The following TBC1D32 variants were observed in gnomAD, a reference collection of about 807,000 sequenced individuals.
The protein encoded by TBC1D32 is protein broad-minded.
Under a neutral mutation model 170.3 loss-of-function variants are expected in TBC1D32, and 151 were observed. The observed-to-expected ratio is 0.89, with a 90% CI of 0.78 to 1.01. The LOEUF (loss-of-function observed/expected upper bound fraction) is 1.01. Ranked by LOEUF, TBC1D32 falls within the 50% of genes least tolerant of loss-of-function variation. TBC1D32 has a pLI of 0.00. For synonymous variants in TBC1D32, 498 were observed against 488.0 expected, an observed-to-expected ratio of 1.02 and a Z score of -0.27; for missense variants, 1,464 against 1,457.1, an observed-to-expected ratio of 1.00 and a Z score of -0.08.
intron 17 of TBC1D32, among the ~76,000 whole-genome samples, chr6:121,251,025 AC>A (rs150009485): frequency 0.012 from 1,807 of 152,256 alleles, 47 homozygotes; most frequent in African/African-American, 0.042. Context: ...CTTACAAAGG[AC>A]ATGAAGGACC....
At chr6:121,132,857 GTGT>G (rs955636330) in intron 24 of TBC1D32, among the ~76,000 whole-genome samples, 1 of 151,266 alleles carries the variant, frequency 6.6e-6, no homozygotes, top group Non-Finnish European at 1.5e-5. Flanking sequence ...GAATAGTTAA[GTGT>G]TGTTAAAAAA....
intron 3 of TBC1D32, among the ~76,000 whole-genome samples, chr6:121,313,168 G>GTGTA (rs1358747612): frequency 1.7e-5 from 2 of 118,018 alleles, no homozygotes; most frequent in Admixed American, 8.7e-5. Context: ...GTGTGTGTGT[G>GTGTA]TAGAGACCTT....
Position 121,235,698 on chromosome 6 carries a change from A to C in TBC1D32, c.2364+3372T>G, listed in dbSNP as rs1442851465. The stretch of plus-strand genomic sequence containing the variant: ...AAGCCTCTTTGTTGAGAAAGCAAGC[A>C]GACTCAGTTTTTCCACATCTCAGTG... On this transcript the variant is annotated intron_variant, in intron 20 of 31. Transcript: ENST00000398212. Among the ~76,000 whole-genome samples the C allele has an allele frequency of 2.6e-5, 4 of 152,330 alleles. No individual in the cohort carries two copies. In the South Asian group the frequency reaches 8.3e-4, roughly 32 times the overall value.
At chr6:121,282,797 A>G (rs1292389131) in intron 13 of TBC1D32, among the ~76,000 whole-genome samples, 1 of 151,862 alleles carries the variant, frequency 6.6e-6, no homozygotes, top group African/African-American at 2.4e-5. Flanking sequence ...AGAACAAAGA[A>G]AGATGATTTT....
chr6:121,197,168 T>C (rs925294749), intron 22 of TBC1D32, among the ~76,000 whole-genome samples: 1 of 152,112 alleles, frequency 6.6e-6, no homozygotes, highest in African/African-American at 2.4e-5. Flanking sequence ...TACTCCATAA[T>C]GAATGTAAGG....
At chr6:121,116,983 A>G (rs1348230197) in intron 26 of TBC1D32, among the ~76,000 whole-genome samples, 1 of 152,212 alleles carries the variant, frequency 6.6e-6, no homozygotes, top group Non-Finnish European at 1.5e-5. Context: ...GGACTTTTTA[A>G]AACTAAAGAT....
chr6:121,259,668 T>C (rs6930191), intron 15 of TBC1D32, among the ~76,000 whole-genome samples: 129,509 of 152,144 alleles, frequency 0.85, 55,887 homozygotes, highest in Middle Eastern at 0.95. Context: ...TAACAAGCAG[T>C]AATTCAGGAC....
intron 24 of TBC1D32, among the ~76,000 whole-genome samples, chr6:121,142,803 G>A (rs574261844): frequency 7.7e-4 from 117 of 152,136 alleles, no homozygotes; most frequent in African/African-American, 2.4e-3. Flanking sequence ...AATAACTCCC[G>A]GGAAATCTAA....
At chr6:121,288,546 G>A (rs898496855) in intron 12 of TBC1D32, among the ~76,000 whole-genome samples, 2 of 152,126 alleles carry the variant, frequency 1.3e-5, no homozygotes, top group African/African-American at 4.8e-5. Flanking sequence ...AGGACCAGAT[G>A]GATTCACAGC....
chr6:121,197,544 T>C (rs989553588), intron 22 of TBC1D32, among the ~76,000 whole-genome samples: 6 of 152,218 alleles, frequency 3.9e-5, no homozygotes, highest in African/African-American at 1.4e-4. Context: ...TTTTATTTCC[T>C]TTTCCTTTAT....
At chr6:121,321,610 G>A (rs762456966) in intron 2 of TBC1D32, 23 bp downstream of exon 2, 1 of 1,600,236 alleles carries the variant, frequency 6.2e-7, no homozygotes, top group South Asian at 1.1e-5. Context: ...GTTATTTGAA[G>A]ATATTATTAT....
chr6:121,122,142 C>T (rs1323039593), intron 26 of TBC1D32, among the ~76,000 whole-genome samples: 1 of 151,954 alleles, frequency 6.6e-6, no homozygotes, highest in Non-Finnish European at 1.5e-5. Context: ...TTCTCTCATA[C>T]CCCACATTCA....
intron 20 of TBC1D32, among the ~76,000 whole-genome samples, chr6:121,233,000 A>G (rs961006861): frequency 6.6e-6 from 1 of 152,038 alleles, no homozygotes; most frequent in Non-Finnish European, 1.5e-5. Context: ...TTTAATTTCC[A>G]TGTATTTGCA....
chr6:121,208,596 TA>T (rs1792605587), intron 21 of TBC1D32, among the ~76,000 whole-genome samples: 1 of 151,800 alleles, frequency 6.6e-6, no homozygotes, highest in African/African-American at 2.4e-5. Flanking sequence ...ATTACCAAAG[TA>T]GACCTTTAAT....
At chr6:121,223,662 T>C (rs1794763511) in intron 20 of TBC1D32, among the ~76,000 whole-genome samples, 2 of 152,256 alleles carry the variant, frequency 1.3e-5, no homozygotes, top group South Asian at 4.1e-4. Flanking sequence ...ATCTTTCTCA[T>C]TCTTTGCACT....
chr6:121,176,272 A>T (rs1167782820), intron 22 of TBC1D32, among the ~76,000 whole-genome samples: 2 of 152,150 alleles, frequency 1.3e-5, no homozygotes, highest in African/African-American at 4.8e-5. Context: ...AGTAGTGAGG[A>T]AGCAAGCCAT....
In TBC1D32 at chr6:121,334,344, AC is replaced by A. The variant is rs767396773; in HGVS notation, c.86del (p.Gly29ValfsTer28). ...CTTCGGCACACTCCAGGGAAGGGGC[AC>A]CCGTGATTTTCTCCTTCACGCTCTG... Reference protein sequence around the residue: ...LFQSVKEKITGAPSLECAEEI... With the variant: ...LFQSVKEKITXAPSLECAEEI... On this transcript the variant is annotated frameshift_variant, in exon 1 of 32. Transcript: ENST00000398212. LOFTEE classifies it high-confidence loss of function. 1 of 1,614,044 alleles carries A rather than the reference AC, an allele frequency of 6.2e-7. No homozygotes were observed. The highest frequency in any genetic ancestry group is 8.5e-7 in the Non-Finnish European group (1 of 1,179,972).
At position 121,279,188 on chromosome 6, in the gene TBC1D32, T is replaced by C; in HGVS notation, c.1666A>G (p.Ile556Val). The change falls in exon 15 of 32, where the codon ATT (isoleucine) becomes GTT (valine). Residue 556 changes from isoleucine to valine, a missense_variant. By Grantham distance (29) the Ile-to-Val change is conservative. Around this residue, in one of 3 missense-constraint regions of TBC1D32, gnomAD observed 1,363 missense variants for 1,338.1 expected, o/e 1.02. Coordinates refer to ENST00000398212, the MANE Select transcript of TBC1D32 (RefSeq NM_152730.6). Reference sequence around the variant, plus strand: ...ATAAGCCCTTCTTCTACAGATGCAATTCTTGCCAAAATACCAGCTATATGA... The same window carrying C: ...ATAAGCCCTTCTTCTACAGATGCAACTCTTGCCAAAATACCAGCTATATGA... ...LIHIAGILARIASVEEGLILL... is the reference protein window; with the variant it reads ...LIHIAGILARVASVEEGLILL... 6.2e-7 allele frequency: 1 copy of C among 1,612,134 alleles called. No individual in the cohort carries two copies. The highest frequency in any genetic ancestry group is 1.1e-5 in the South Asian group (1 of 90,846).
chr6:121,140,853 C>T (rs1028156274), intron 24 of TBC1D32, among the ~76,000 whole-genome samples: 3 of 152,084 alleles, frequency 2.0e-5, no homozygotes, highest in Admixed American at 6.6e-5. Flanking sequence ...AGCTTTCTAA[C>T]TGCAAACTTT....
Sources: allele counts gnomAD v4.1 joint callset (sites outside exome capture counted in the v4.1 genomes callset), GRCh38; gene constraint gnomAD v4.1.1; regional missense constraint gnomAD v4.1.1; transcripts MANE v1.5; gene names NCBI Gene and HGNC (gene_info 2026-07-23, HGNC 2026-07-21).